RPGRIP1: variants seen among roughly 807,000 people sequenced by gnomAD.
The protein encoded by RPGRIP1 is RPGR interacting protein 1.
In RPGRIP1, 128 loss-of-function variants were observed where a neutral mutation model predicts 157.9. The ratio of observed to expected loss-of-function variants is 0.81; its 90% CI spans 0.70 to 0.94. The LOEUF (loss-of-function observed/expected upper bound fraction) is 0.94, where lower values mean the gene tolerates loss of function less well. RPGRIP1 is among the 40% of genes least tolerant of loss of function. The pLI is 0.00. For synonymous variants in RPGRIP1, 554 were observed against 571.6 expected, an observed-to-expected ratio of 0.97 and a Z score of 0.44; for missense variants, 1,486 against 1,545.8, an observed-to-expected ratio of 0.96 and a Z score of 0.65.
intron 16 of RPGRIP1, 69 bp from the exon 17 acceptor site, chr14:21,325,761 AG>A: frequency 1.7e-6 from 2 of 1,159,306 alleles, no homozygotes; most frequent in Non-Finnish European, 2.5e-6. Flanking sequence ...TCCTCACCAC[AG>A]ATCCTAGGCT....
intron 23 of RPGRIP1, among the ~76,000 whole-genome samples, chr14:21,346,562 A>G (rs923075954): frequency 2.0e-5 from 3 of 152,246 alleles, no homozygotes; most frequent in Admixed American, 1.3e-4. Context: ...AAGGAAAAAA[A>G]AAAGTTATTT....
chr14:21,307,197 G>C (rs929238272), intron 6 of RPGRIP1, among the ~76,000 whole-genome samples: 1 of 152,164 alleles, frequency 6.6e-6, no homozygotes, highest in Non-Finnish European at 1.5e-5. Context: ...GGGATGACAG[G>C]CTTATGCCAC....
chr14:21,317,570 G>A (rs151005575), intron 10 of RPGRIP1, 126 bp from the exon 11 acceptor site: 1 of 1,535,586 alleles, frequency 6.5e-7, no homozygotes, highest in East Asian at 2.5e-5. Flanking sequence ...AATAAAGCAA[G>A]GGCAGAAAAA....
chr14:21,328,326 G>A (rs1295664683), intron 18 of RPGRIP1, 98 bp from the exon 19 acceptor site: 1 of 843,114 alleles, frequency 1.2e-6, no homozygotes, highest in Non-Finnish European at 1.9e-6. Flanking sequence ...TCCATGAGGA[G>A]AGAAATGAAG....
chr14:21,330,918 T>C (rs956587312), intron 20 of RPGRIP1, among the ~76,000 whole-genome samples: 2 of 151,838 alleles, frequency 1.3e-5, no homozygotes, highest in African/African-American at 4.8e-5. Context: ...TTTTGTTTTG[T>C]TTTGTTTTTG....
chr14:21,280,732 C>T (rs775431080), intron 1 of RPGRIP1, among the ~76,000 whole-genome samples: 18 of 152,032 alleles, frequency 1.2e-4, no homozygotes, highest in Non-Finnish European at 2.5e-4. Flanking sequence ...CCCCTCCTTC[C>T]CTAGTTCAAG....
In RPGRIP1 at chr14:21,287,983, C is replaced by T. The variant is rs1880358733; in HGVS notation, c.7C>T (p.His3Tyr). MS[H>Y]LVDPTSGDLP... ...CAGCTTGGGAACAGAGATCATGTCA[C>T]ATCTGGTGGACCCTACATCAGGAGA... is the stretch of plus-strand genomic sequence containing the variant. The change falls in exon 2 of 25, where the codon CAT becomes TAT. Residue 3 changes from histidine to tyrosine, a missense_variant. His to Tyr is a moderately conservative substitution (Grantham distance 83). Coordinates refer to ENST00000400017, the MANE Select transcript of RPGRIP1 (RefSeq NM_020366.4). The T allele has an allele frequency of 1.2e-6, 2 of 1,610,916 alleles. No individual in the cohort carries two copies. Among genetic ancestry groups the T allele is most frequent in the South Asian group, 2.2e-5 (2 of 90,926 alleles).
Position 21,302,599 on chromosome 14 carries a change from T to C in RPGRIP1, c.587+15T>C. ...CCCAGTGAACTGTGAGTTCTTCTCA[T>C]TTATCCCATGTTGTTATTCCTGCCA... is the stretch of plus-strand genomic sequence containing the variant. On this transcript the variant is annotated intron_variant, in intron 5 of 24. Transcript: ENST00000400017. The C allele has an allele frequency of 6.9e-7, 1 of 1,456,346 alleles. No homozygotes were observed. The allele number at this position is 1,456,346 out of a possible 1,614,324, so 90.2% of individuals were successfully genotyped here.
chr14:21,306,112 C>CTTTTTT (rs539083010), intron 6 of RPGRIP1, among the ~76,000 whole-genome samples: 1 of 44,828 alleles, frequency 2.2e-5, no homozygotes, highest in Non-Finnish European at 3.9e-5. Context: ...GAATAATAGT[C>CTTTTTT]TTTTTTTTTT....
intron 7 of RPGRIP1, among the ~76,000 whole-genome samples, chr14:21,309,295 T>C (rs1881448329): frequency 6.6e-6 from 1 of 152,184 alleles, no homozygotes; most frequent in Admixed American, 6.6e-5. Context: ...GAGGATCACT[T>C]GAGCTCAGGA....
intron 23 of RPGRIP1, among the ~76,000 whole-genome samples, chr14:21,347,010 A>G (rs1371102234): frequency 1.3e-5 from 2 of 152,220 alleles, no homozygotes; most frequent in Non-Finnish European, 2.9e-5. Flanking sequence ...ACTTTTGGAC[A>G]TGGAAAGTGA....
intron 7 of RPGRIP1, among the ~76,000 whole-genome samples, chr14:21,308,331 T>C (rs557046591): frequency 4.3e-4 from 65 of 152,306 alleles, no homozygotes; most frequent in African/African-American, 1.5e-3. Context: ...TTGGTGGAAA[T>C]AGAGTATCAA....
chr14:21,328,567 T>C lies in RPGRIP1; in HGVS notation c.3039T>C (p.Val1013=), dbSNP rs765515179. Residue 1013 remains valine (V), a synonymous_variant, in exon 19 of 25, where the codon GTT becomes GTC. Transcript: ENST00000400017. ...SRRKHGKRIG[V]QGKNRMEYLS... is the part of the protein sequence containing the mutation. ...GAAAACATGGCAAAAGAATAGGTGT[T>C]CAAGGAAAGAATAGAATGGAGTATC... The C allele has an allele frequency of 1.2e-6, 2 of 1,613,712 alleles. No homozygotes were observed. Among genetic ancestry groups the C allele is most frequent in the East Asian group, 2.2e-5 (1 of 44,874 alleles).
intron 3 of RPGRIP1, among the ~76,000 whole-genome samples, chr14:21,299,682 A>G (rs1468775901): frequency 6.6e-6 from 1 of 152,202 alleles, no homozygotes; most frequent in South Asian, 2.1e-4. Flanking sequence ...GAGCACAGAA[A>G]GGTTAAGTGG....
chr14:21,292,051 C>T (rs1029883540), intron 2 of RPGRIP1, among the ~76,000 whole-genome samples: 4 of 152,076 alleles, frequency 2.6e-5, no homozygotes, highest in African/African-American at 9.7e-5. Flanking sequence ...AGCCACTGCA[C>T]CCAGCCAATT....
chr14:21,290,098 C>A (rs547969771), intron 2 of RPGRIP1, among the ~76,000 whole-genome samples: 2 of 152,070 alleles, frequency 1.3e-5, no homozygotes, highest in African/African-American at 4.8e-5. Context: ...TTCAAGTCAT[C>A]TGTCTGCCTC....
At chr14:21,326,335 G>A (rs1883102599) in intron 17 of RPGRIP1, among the ~76,000 whole-genome samples, 162 bp downstream of exon 17, 1 of 152,180 alleles carries the variant, frequency 6.6e-6, no homozygotes, top group Admixed American at 6.6e-5. Context: ...AAGACTTAGA[G>A]CCTCACTACT....
chr14:21,285,063 A>AT (rs1035579507), intron 1 of RPGRIP1, among the ~76,000 whole-genome samples: 5 of 150,906 alleles, frequency 3.3e-5, no homozygotes, highest in Non-Finnish European at 7.3e-5. Context: ...AAGATAAACC[A>AT]TTTTTCTGCC....
chr14:21,317,972 A>C (rs1215984358), intron 11 of RPGRIP1, 122 bp downstream of exon 11: 5 of 838,890 alleles, frequency 6.0e-6, no homozygotes, highest in Non-Finnish European at 9.7e-6. Flanking sequence ...TGTGGGTTGT[A>C]GGTAACTAGA....
Sources: gnomAD v4.1 joint callset for allele counts (sites outside exome capture counted in the v4.1 genomes callset) on GRCh38, gnomAD v4.1.1 for gene constraint, MANE v1.5 for transcripts, NCBI Gene and HGNC (gene_info 2026-07-23, HGNC 2026-07-21) for gene names.